FGF12: variants seen among roughly 807,000 people sequenced by gnomAD.
The protein encoded by FGF12 is fibroblast growth factor 12B.
Under a neutral mutation model 23.6 loss-of-function variants are expected in FGF12, and 14 were observed. That is an observed-to-expected ratio of 0.59 (90% CI 0.39 to 0.93). The LOEUF (loss-of-function observed/expected upper bound fraction) is 0.93, where lower values mean the gene tolerates loss of function less well. Ranked by LOEUF, FGF12 falls within the 40% of genes least tolerant of loss-of-function variation. The probability of loss-of-function intolerance (pLI) is 0.00; values close to 1 mark genes in which losing one functional copy is unlikely to be tolerated. For missense variants in FGF12, 175 were observed against 217.8 expected (o/e 0.80, Z 1.24); for synonymous variants, 62 against 77.3 (o/e 0.80, Z 1.04).
chr3:192,656,657 T>A (rs1716439390), intron 2 of FGF12, among the ~76,000 whole-genome samples: 1 of 152,128 alleles, frequency 6.6e-6, no homozygotes, highest in Non-Finnish European at 1.5e-5. Flanking sequence ...AAGCCATACA[T>A]ATCCAGTAAC....
At chr3:192,172,423 C>T (rs1165611449) in intron 4 of FGF12, among the ~76,000 whole-genome samples, 1 of 149,660 alleles carries the variant, frequency 6.7e-6, no homozygotes, top group Non-Finnish European at 1.5e-5. Flanking sequence ...GAAAACACCC[C>T]CCAAAGAAAA....
chr3:192,539,810 G>A (rs1463776174), intron 2 of FGF12, among the ~76,000 whole-genome samples: 1 of 151,722 alleles, frequency 6.6e-6, no homozygotes, highest in Non-Finnish European at 1.5e-5. Flanking sequence ...ACTTACTACT[G>A]CTTTGATCTG....
chr3:192,408,413 A>G lies in FGF12; in HGVS notation c.14-47875T>C. The G allele has an allele frequency of 7.1e-7, 1 of 1,401,566 alleles. No individual in the cohort carries two copies. Among genetic ancestry groups the G allele is most frequent in the Non-Finnish European group, 9.2e-7 (1 of 1,083,656 alleles). The allele number at this position is 1,401,566 out of a possible 1,614,324, so 86.8% of individuals were successfully genotyped here. A position where few individuals can be genotyped will look rare whatever the true frequency, so the allele number is the denominator to read the frequency against. On this transcript the variant is annotated intron_variant, in intron 2 of 5. Coordinates refer to ENST00000445105, the MANE Select transcript of FGF12 (RefSeq NM_004113.6). The surrounding 1 kb of genome is among the most constrained non-coding windows in gnomAD (Gnocchi z 7.3). The stretch of plus-strand genomic sequence containing the variant: ...TAGTCAAAGTCTGGGCAGTGGCGAC[A>G]AAATGTGTGAAAATCCAGATGTAAA...
intron 4 of FGF12, chr3:192,267,096 T>C (rs899338495): frequency 6.6e-6 from 1 of 152,172 alleles, no homozygotes; most frequent in Non-Finnish European, 1.5e-5. Flanking sequence ...TTCTAAATAA[T>C]GACAACAGAT....
chr3:192,158,308 C>T (rs889052276), intron 5 of FGF12, among the ~76,000 whole-genome samples: 1 of 130,104 alleles, frequency 7.7e-6, no homozygotes, highest in Non-Finnish European at 1.6e-5. Context: ...CCTGCTTTTC[C>T]CTTTTCTCTT....
chr3:192,692,830 A>G, intron 2 of FGF12, among the ~76,000 whole-genome samples: 1 of 152,180 alleles, frequency 6.6e-6, no homozygotes, highest in Non-Finnish European at 1.5e-5. Flanking sequence ...TCAACATATT[A>G]TAAGCCATTT....
At chr3:192,427,382 A>G (rs1235788068) in intron 2 of FGF12, among the ~76,000 whole-genome samples, 3 of 24,354 alleles carry the variant, frequency 1.2e-4, no homozygotes, top group Admixed American at 7.6e-4. Flanking sequence ...CCGTCTCTGA[A>G]AAAAAAAAAA....
At chr3:192,671,423 G>A (rs1343478035) in intron 2 of FGF12, among the ~76,000 whole-genome samples, 1 of 152,160 alleles carries the variant, frequency 6.6e-6, no homozygotes, top group Non-Finnish European at 1.5e-5. Flanking sequence ...CAAAATATTT[G>A]TGGGGCTTTC....
In FGF12 at chr3:192,514,889, T is replaced by C. The variant is rs1724613718; in HGVS notation, c.14-154351A>G. ...GCCCAGGTGGAGGGGAGTTTGCACA[T>C]GGAGCCGGAGGGAGCCCGGGCGCCG... On this transcript the variant is annotated intron_variant, in intron 2 of 5. Coordinates refer to ENST00000445105, the MANE Select transcript of FGF12 (RefSeq NM_004113.6). This position sits in a 1 kb window ranked among gnomAD's most constrained non-coding sequence, Gnocchi z 4.9. The C allele has an allele frequency of 2.0e-6, 2 of 985,094 alleles. No homozygotes were observed. The highest frequency in any genetic ancestry group is 2.4e-6 in the Non-Finnish European group (2 of 829,836). 61.0% of individuals were successfully genotyped at this position (985,094 alleles called of 1,614,324 possible).
intron 2 of FGF12, among the ~76,000 whole-genome samples, chr3:192,564,454 G>A (rs1271636430): frequency 1.3e-5 from 2 of 152,112 alleles, no homozygotes; most frequent in African/African-American, 2.4e-5. Context: ...TTTATGCTTC[G>A]GGGACAGTAT....
intron 4 of FGF12, among the ~76,000 whole-genome samples, chr3:192,259,855 A>G (rs1035916416): frequency 2.6e-5 from 4 of 152,134 alleles, no homozygotes; most frequent in African/African-American, 9.7e-5. Context: ...GTGAGGTTTC[A>G]CGACCAATGA....
rs566227430 is a variant in FGF12 at position 192,302,140 on chromosome 3, G to A, written c.228+33221C>T. Reference sequence around the variant, plus strand: ...CAGGGAGAAAAAAATCTAACAGAACGCCTGCTAGGTGTTGAAGTAGAGCCA... The same window carrying A: ...CAGGGAGAAAAAAATCTAACAGAACACCTGCTAGGTGTTGAAGTAGAGCCA... On this transcript the variant is annotated intron_variant, in intron 4 of 5. Transcript: ENST00000445105. Among the ~76,000 whole-genome samples the A allele has an allele frequency of 3.3e-5, 5 of 152,288 alleles. No homozygotes were observed. In the South Asian group the frequency reaches 8.3e-4, roughly 25 times the overall value.
chr3:192,580,196 C>T (rs1435951741), intron 2 of FGF12, among the ~76,000 whole-genome samples: 2 of 152,064 alleles, frequency 1.3e-5, no homozygotes, highest in Admixed American at 1.3e-4. Context: ...TTCTGAGGCA[C>T]TTTATGCAAG....
intron 5 of FGF12, among the ~76,000 whole-genome samples, chr3:192,157,658 C>G (rs1714498571): frequency 6.6e-6 from 1 of 152,144 alleles, no homozygotes; most frequent in Non-Finnish European, 1.5e-5. Context: ...ACAATAACTT[C>G]TATTTTAGTT....
At chr3:192,684,866 C>T (rs1717674415) in intron 2 of FGF12, among the ~76,000 whole-genome samples, 1 of 151,992 alleles carries the variant, frequency 6.6e-6, no homozygotes, top group Non-Finnish European at 1.5e-5. Flanking sequence ...TAATATTAAC[C>T]CAGGGCAGAT....
intron 2 of FGF12, among the ~76,000 whole-genome samples, chr3:192,648,089 G>A (rs1190355071): frequency 6.6e-6 from 1 of 151,906 alleles, no homozygotes; most frequent in African/African-American, 2.4e-5. Context: ...TCTAGGAGGT[G>A]GCATATTCAG....
chr3:192,400,387 G>A (rs199621956), intron 2 of FGF12, among the ~76,000 whole-genome samples: 3 of 37,100 alleles, frequency 8.1e-5, no homozygotes. Context: ...TTTTTTTTTT[G>A]AGACTGAGTC....
chr3:192,665,333 A>G (rs928266817), intron 2 of FGF12, among the ~76,000 whole-genome samples: 1 of 152,224 alleles, frequency 6.6e-6, no homozygotes, highest in Non-Finnish European at 1.5e-5. Flanking sequence ...AGATAAGTCG[A>G]AGCGAGAGAA....
chr3:192,684,061 A>G (rs1489077330), intron 2 of FGF12, among the ~76,000 whole-genome samples: 1 of 152,166 alleles, frequency 6.6e-6, no homozygotes, highest in African/African-American at 2.4e-5. Flanking sequence ...CCTAAGAGTC[A>G]TCTTGGGAGT....
Sources: allele counts gnomAD v4.1 joint callset (sites outside exome capture counted in the v4.1 genomes callset), GRCh38; gene constraint gnomAD v4.1.1; non-coding constraint Gnocchi (gnomAD v3.1); transcripts MANE v1.5; gene names NCBI Gene and HGNC (gene_info 2026-07-23, HGNC 2026-07-21).